Variants in PRUNE2 observed in about 807,000 individuals in gnomAD.
PRUNE2 encodes the protein protein prune homolog 2.
In PRUNE2, 164 loss-of-function variants were observed where a neutral mutation model predicts 252.0. That is an observed-to-expected ratio of 0.65 (90% confidence interval 0.57 to 0.74). The LOEUF is 0.74. Ranked by LOEUF, PRUNE2 falls within the 30% of genes least tolerant of loss-of-function variation. PRUNE2 has a pLI of 0.00. For synonymous variants in PRUNE2, 1,292 were observed against 1,350.2 expected (o/e 0.96, Z 0.94); for missense variants, 3,495 against 3,711.0 (o/e 0.94, Z 1.51).
intron 9 of PRUNE2, among the ~76,000 whole-genome samples, chr9:76,666,834 T>G (rs1472403924): frequency 6.6e-6 from 1 of 152,168 alleles, no homozygotes; most frequent in Non-Finnish European, 1.5e-5. Flanking sequence ...CCTGTGGGGC[T>G]GGACCCTACA....
intron 9 of PRUNE2, chr9:76,691,852 T>C (rs2044767827): frequency 3.6e-6 from 2 of 553,728 alleles, no homozygotes; most frequent in African/African-American, 1.9e-5. Flanking sequence ...GGGGACAGCA[T>C]AACGACCACA....
At chr9:76,868,425 C>T (rs913007752) in intron 1 of PRUNE2, among the ~76,000 whole-genome samples, 1 of 152,330 alleles carries the variant, frequency 6.6e-6, no homozygotes, top group South Asian at 2.1e-4. Flanking sequence ...CACATACACT[C>T]AGGCCTGAGC....
At chr9:76,850,778 A>G in intron 2 of PRUNE2, 113 bp from the exon 3 acceptor site, 1 of 738,888 alleles carries the variant, frequency 1.4e-6, no homozygotes, top group Non-Finnish European at 2.3e-6. Flanking sequence ...TTCTGGCCTC[A>G]CTAAACCACT....
At chr9:76,617,047 T>C (rs904598371) in intron 18 of PRUNE2, among the ~76,000 whole-genome samples, 4 of 152,150 alleles carry the variant, frequency 2.6e-5, no homozygotes, top group Admixed American at 2.6e-4. Context: ...AATTGAATAT[T>C]CTTAATCCTC....
In PRUNE2 at chr9:76,829,267, T is replaced by C. The variant is rs142960014; in HGVS notation, c.509-2535A>G. Among the ~76,000 whole-genome samples, 255 of 152,232 alleles carry C rather than the reference T, an allele frequency of 1.7e-3. 2 individuals carry two copies. The Middle Eastern group carries it at 0.027, about 16-fold the overall frequency. The stretch of plus-strand genomic sequence containing the variant: ...CAACATTTGGTGTTGCTTTTCCTCT[T>C]AGGATATTTGCTAATTCATAAGTGA... On this transcript the variant is annotated intron_variant, in intron 4 of 18. Transcript: ENST00000376718.
intron 9 of PRUNE2, among the ~76,000 whole-genome samples, chr9:76,670,688 C>G (rs949633041): frequency 2.6e-5 from 4 of 152,024 alleles, no homozygotes; most frequent in African/African-American, 7.2e-5. Flanking sequence ...GTTCTCCCAG[C>G]ACGCAGCTGG....
chr9:76,649,945 T>TG (rs143118940), intron 11 of PRUNE2, among the ~76,000 whole-genome samples: 7,833 of 151,758 alleles, frequency 0.052, 452 homozygotes, highest in East Asian at 0.16. Context: ...TTACTTTTTT[T>TG]TTTTTAGAGT....
chr9:76,620,747 TA>T (rs959689206), intron 17 of PRUNE2, among the ~76,000 whole-genome samples: 6 of 151,938 alleles, frequency 3.9e-5, no homozygotes, highest in African/African-American at 9.7e-5. Context: ...GACAGCGTGC[TA>T]AAAAAAACCT....
chr9:76,660,781 C>CAAAAAAAAAAAA (rs11432174), intron 9 of PRUNE2, among the ~76,000 whole-genome samples: 15 of 100,920 alleles, frequency 1.5e-4, no homozygotes, highest in Non-Finnish European at 2.1e-4. Flanking sequence ...GACTCTGAAT[C>CAAAAAAAAAAAA]AAAAAAAAAA....
intron 11 of PRUNE2, among the ~76,000 whole-genome samples, chr9:76,651,649 G>C (rs958750806): frequency 8.5e-5 from 13 of 152,076 alleles, no homozygotes; most frequent in Non-Finnish European, 1.3e-4. Context: ...TCTTAAACCA[G>C]ATTTCATAGA....
intron 6 of PRUNE2, among the ~76,000 whole-genome samples, chr9:76,744,927 C>A (rs551304025): frequency 6.6e-6 from 1 of 152,304 alleles, no homozygotes; most frequent in African/African-American, 2.4e-5. Context: ...GCTGGGACAG[C>A]TTCTCCTAGA....
chr9:76,722,063 T>TA (rs201389386), intron 6 of PRUNE2, among the ~76,000 whole-genome samples: 1,641 of 151,876 alleles, frequency 0.011, 26 homozygotes, highest in African/African-American at 0.036. Flanking sequence ...ACTCTATTGT[T>TA]CTTTTTTATT....
chr9:76,864,254 A>G (rs931602922), intron 1 of PRUNE2, among the ~76,000 whole-genome samples: 6 of 152,250 alleles, frequency 3.9e-5, no homozygotes, highest in African/African-American at 1.4e-4. Context: ...TTGACTCTAC[A>G]TGGATGTAAA....
At chr9:76,713,105 G>A (rs1426685383) in intron 7 of PRUNE2, among the ~76,000 whole-genome samples, 1 of 151,514 alleles carries the variant, frequency 6.6e-6, no homozygotes, top group East Asian at 1.9e-4. Flanking sequence ...TAGGCCTTGG[G>A]TTAAAAGACT....
intron 6 of PRUNE2, among the ~76,000 whole-genome samples, chr9:76,723,170 C>A (rs2047793870): frequency 6.6e-6 from 1 of 152,172 alleles, no homozygotes; most frequent in Non-Finnish European, 1.5e-5. Context: ...AAACCCAAAA[C>A]TTCTATAAAG....
intron 5 of PRUNE2, among the ~76,000 whole-genome samples, chr9:76,826,142 C>G (rs572138516): frequency 2.0e-5 from 3 of 152,300 alleles, no homozygotes; most frequent in Admixed American, 2.0e-4. Context: ...AAACCTTCCA[C>G]CAGCACAAGC....
intron 12 of PRUNE2, among the ~76,000 whole-genome samples, chr9:76,642,802 GC>G (rs1344188440): frequency 6.6e-6 from 1 of 152,178 alleles, no homozygotes; most frequent in Non-Finnish European, 1.5e-5. Context: ...GAGCACAAAA[GC>G]TGTTCAGGGT....
At chr9:76,864,982 A>G (rs2060754864) in intron 1 of PRUNE2, among the ~76,000 whole-genome samples, 1 of 152,152 alleles carries the variant, frequency 6.6e-6, no homozygotes, top group Admixed American at 6.6e-5. Context: ...TTGTTTTTTG[A>G]GAAGCACTGC....
intron 6 of PRUNE2, among the ~76,000 whole-genome samples, chr9:76,821,339 AT>A (rs2058028441): frequency 6.6e-6 from 1 of 152,186 alleles, no homozygotes. Context: ...TTCTGTCAAT[AT>A]TTTTTAAAGT....
Sources: gnomAD v4.1 joint callset for allele counts (sites outside exome capture counted in the v4.1 genomes callset) on GRCh38, gnomAD v4.1.1 for gene constraint, MANE v1.5 for transcripts, NCBI Gene and HGNC (gene_info 2026-07-23, HGNC 2026-07-21) for gene names.